EEF1AKMT1: variants seen among roughly 807,000 people sequenced by gnomAD.
EEF1AKMT1 encodes N-6 adenine-specific DNA methyltransferase 2 (putative).
A neutral mutation model predicts 21.0 loss-of-function variants in EEF1AKMT1; 18 were observed. That is an observed-to-expected ratio of 0.86 (90% CI 0.59 to 1.27). The LOEUF is 1.27. EEF1AKMT1 is among the 50% of genes most tolerant of loss of function. The pLI, the probability that EEF1AKMT1 is intolerant of heterozygous loss-of-function variation, is 0.00. For synonymous variants in EEF1AKMT1, 109 were observed against 94.8 expected, an observed-to-expected ratio of 1.15 and a Z score of -0.87; for missense variants, 246 against 258.6, an observed-to-expected ratio of 0.95 and a Z score of 0.33.
intron 3 of EEF1AKMT1, among the ~76,000 whole-genome samples, chr13:20,732,448 T>G (rs2058803216): frequency 6.6e-6 from 1 of 152,154 alleles, no homozygotes; most frequent in Non-Finnish European, 1.5e-5. Context: ...TCTCCTGCTA[T>G]TCCTCCCAAG....
At chr13:20,748,463 T>G (rs1354526983) in intron 2 of EEF1AKMT1, among the ~76,000 whole-genome samples, 4 of 151,218 alleles carry the variant, frequency 2.6e-5, no homozygotes, top group Admixed American at 2.6e-4. Flanking sequence ...AAAGCACTAC[T>G]AGGCTTATAA....
At chr13:20,737,274 G>A (rs568329465) in intron 3 of EEF1AKMT1, among the ~76,000 whole-genome samples, 17 of 152,068 alleles carry the variant, frequency 1.1e-4, no homozygotes, top group Non-Finnish European at 2.2e-4. Context: ...TGAGGCAAGA[G>A]AATTGCTTGA....
Position 20,729,069 on chromosome 13 carries a change from A to T in EEF1AKMT1, c.*11T>A. On this transcript the variant is annotated 3_prime_UTR_variant, in exon 5 of 5. Coordinates refer to ENST00000382758, the MANE Select transcript of EEF1AKMT1 (RefSeq NM_001318939.2). ...ACAGGGTTCCTTCCTGTGTTATGTC[A>T]CCGTCTGTAATCAGATCCCACAGTC... is the stretch of plus-strand genomic sequence containing the variant. The T allele has an allele frequency of 6.2e-7, 1 of 1,614,082 alleles. No homozygotes were observed.
At chr13:20,739,212 G>A (rs539366352) in intron 2 of EEF1AKMT1, among the ~76,000 whole-genome samples, 12 of 152,266 alleles carry the variant, frequency 7.9e-5, no homozygotes, top group Non-Finnish European at 1.5e-4. Flanking sequence ...CTGGTTTCAG[G>A]AGTGAAGCTG....
Position 20,728,786 on chromosome 13 carries a change from CCA to C in EEF1AKMT1, c.*292_*293del, listed in dbSNP as rs981529451. On this transcript the variant is annotated 3_prime_UTR_variant, in exon 5 of 5. Transcript: ENST00000382758. ...TCTCATTCAGGAGCCCTTGGGCAAG[CCA>C]CACAACTGTTCTTCTGTTTTTACAC... 88 of 391,024 alleles carry C rather than the reference CCA, an allele frequency of 2.3e-4. No homozygotes were observed. The highest frequency in any genetic ancestry group is 1.6e-3 in the African/African-American group (79 of 48,792). 24.2% of individuals were successfully genotyped at this position (391,024 alleles called of 1,614,324 possible). A position where few individuals can be genotyped will look rare whatever the true frequency, so the allele number is the denominator to read the frequency against.
chr13:20,759,608 CAAA>C (rs150431189), intron 1 of EEF1AKMT1, among the ~76,000 whole-genome samples: 1 of 129,044 alleles, frequency 7.7e-6, no homozygotes, highest in Non-Finnish European at 1.7e-5. Context: ...AAAAACGAAA[CAAA>C]AAAAAAAAGA....
intron 2 of EEF1AKMT1, among the ~76,000 whole-genome samples, chr13:20,753,660 A>G (rs146534012): frequency 6.6e-6 from 1 of 152,168 alleles, no homozygotes; most frequent in African/African-American, 2.4e-5. Context: ...TCCCTTTATC[A>G]TTATATGATA....
At chr13:20,762,175 CT>C (rs57340074) in intron 1 of EEF1AKMT1, among the ~76,000 whole-genome samples, 20,198 of 131,196 alleles carry the variant, frequency 0.15, 1,856 homozygotes, top group African/African-American at 0.29. Flanking sequence ...TTTCATCAGT[CT>C]TTTTTTTTTT....
intron 2 of EEF1AKMT1, among the ~76,000 whole-genome samples, chr13:20,739,056 C>G (rs2058849445): frequency 6.6e-6 from 1 of 152,092 alleles, no homozygotes; most frequent in African/African-American, 2.4e-5. Context: ...GTTTCTTCCT[C>G]CTGGGGGGGT....
At chr13:20,744,757 C>A (rs558412845) in intron 2 of EEF1AKMT1, among the ~76,000 whole-genome samples, 1 of 152,238 alleles carries the variant, frequency 6.6e-6, no homozygotes, top group South Asian at 2.1e-4. Flanking sequence ...AAGTCTTTGC[C>A]CATGCCTATG....
rs147813642 is a variant in EEF1AKMT1, at chr13:20,738,987, C to T, written c.145-1182G>A. Among the ~76,000 whole-genome samples, 993 of 152,306 alleles carry T rather than the reference C, an allele frequency of 6.5e-3. 7 individuals carry two copies. In the Middle Eastern group the frequency reaches 0.068, roughly 10 times the overall value. ...CTGTGGACCCTCACGATGAGTGTGA[C>T]AGTTCTTAAAGATAGTGTGCCCAGA... On this transcript the variant is annotated intron_variant, in intron 2 of 4. Coordinates refer to ENST00000382758, the MANE Select transcript of EEF1AKMT1 (RefSeq NM_001318939.2).
At chr13:20,764,887 A>ACACACACC in intron 1 of EEF1AKMT1, among the ~76,000 whole-genome samples, 1 of 110,952 alleles carries the variant, frequency 9.0e-6, no homozygotes, top group Admixed American at 8.9e-5. Flanking sequence ...TTCAACACAC[A>ACACACACC]CACACACACA....
chr13:20,757,739 A>G (rs1198874898), intron 1 of EEF1AKMT1, 122 bp from the exon 2 acceptor site: 1 of 758,002 alleles, frequency 1.3e-6, no homozygotes, highest in African/African-American at 1.8e-5. Context: ...ATACAAGTAA[A>G]CCAAAAATAA....
At position 20,728,739 on chromosome 13, in the gene EEF1AKMT1, C is replaced by T. The variant is rs996760279; in HGVS notation, c.*341G>A. 5 of 287,734 alleles carry T rather than the reference C, an allele frequency of 1.7e-5. No homozygotes were observed. The highest frequency in any genetic ancestry group is 8.5e-5 in the East Asian group (1 of 11,742). 17.8% of individuals were successfully genotyped at this position (287,734 alleles called of 1,614,324 possible). A position where few individuals can be genotyped will look rare whatever the true frequency, so the allele number is the denominator to read the frequency against. On this transcript the variant is annotated 3_prime_UTR_variant, in exon 5 of 5. Transcript: ENST00000382758. ...AGGATGCTACCAGACTGCTCTGGCC[C>T]GAGGCAGAGGCCAAGGTCCTGTCTC...
At chr13:20,772,317 A>C (rs1390254542) in intron 1 of EEF1AKMT1, among the ~76,000 whole-genome samples, 4 of 152,158 alleles carry the variant, frequency 2.6e-5, no homozygotes, top group African/African-American at 7.2e-5. Flanking sequence ...CTTGGACCTT[A>C]TGTGGCTCAG....
chr13:20,737,916 T>C, intron 2 of EEF1AKMT1, 111 bp from the exon 3 acceptor site: 1 of 680,776 alleles, frequency 1.5e-6, no homozygotes, highest in Non-Finnish European at 2.4e-6. Flanking sequence ...TTAATTTATA[T>C]ATAATCTATA....
intron 1 of EEF1AKMT1, among the ~76,000 whole-genome samples, chr13:20,764,506 T>A (rs942274894): frequency 2.0e-5 from 3 of 152,194 alleles, no homozygotes; most frequent in Non-Finnish European, 4.4e-5. Context: ...TATATAAATG[T>A]GAATAGATCC....
chr13:20,733,504 T>A (rs574453967), intron 3 of EEF1AKMT1, among the ~76,000 whole-genome samples: 2 of 152,340 alleles, frequency 1.3e-5, no homozygotes, highest in South Asian at 4.1e-4. Context: ...TGAGCCACTG[T>A]GCCCAGCTGG....
intron 2 of EEF1AKMT1, among the ~76,000 whole-genome samples, chr13:20,742,622 T>G (rs7319529): frequency 0.071 from 10,744 of 152,256 alleles, 1,138 homozygotes; most frequent in African/African-American, 0.23. Flanking sequence ...ATTACACCTT[T>G]AACTCCATTT....
Sources: allele counts gnomAD v4.1 joint callset (sites outside exome capture counted in the v4.1 genomes callset), GRCh38; gene constraint gnomAD v4.1.1; transcripts MANE v1.5; gene names NCBI Gene and HGNC (gene_info 2026-07-23, HGNC 2026-07-21).